Variants in DYRK1B observed in about 807,000 individuals in gnomAD.
DYRK1B encodes the protein dual specificity tyrosine phosphorylation regulated kinase 1B.
Under a neutral mutation model 57.1 loss-of-function variants are expected in DYRK1B, and 20 were observed. The observed-to-expected ratio is 0.35, with a 90% CI of 0.25 to 0.51. DYRK1B has a LOEUF of 0.51. Among genes scored for constraint, DYRK1B ranks in the 20% least tolerant of loss-of-function variants. The pLI, the probability that DYRK1B is intolerant of heterozygous loss-of-function variation, is 0.96. For missense variants in DYRK1B, 732 were observed against 886.3 expected, an observed-to-expected ratio of 0.83 and a Z score of 2.21; for synonymous variants, 409 against 384.7, an observed-to-expected ratio of 1.06 and a Z score of -0.74.
In DYRK1B at chr19:39,827,358, G is replaced by T; in HGVS notation, c.1022C>A (p.Pro341His). The change falls in exon 8 of 11, where the codon CCC becomes CAC. Residue 341 changes from proline to histidine, a missense_variant. Transcript: ENST00000323039. ...IPPAAMLDQA[P>H]KARKYFERLP... is the part of the protein sequence containing the mutation. ...CCGTTCAAAGTACTTGCGAGCCTTG[G>T]GCGCCTGGTCCAGCATGGCGGCCGG... 1 of 1,613,824 alleles carries T rather than the reference G, an allele frequency of 6.2e-7. No individual in the cohort carries two copies. The highest frequency in any genetic ancestry group is 8.5e-7 in the Non-Finnish European group (1 of 1,179,818).
intron 5 of DYRK1B, among the ~76,000 whole-genome samples, chr19:39,829,262 C>CT (rs1218794454): frequency 2.7e-5 from 4 of 148,540 alleles, no homozygotes; most frequent in African/African-American, 9.9e-5. Flanking sequence ...GAGTCTCGCT[C>CT]TGTCATCAGG....
In DYRK1B at chr19:39,826,398, G is replaced by A. The variant is rs1968541676; in HGVS notation, c.1412-112C>T. The A allele has an allele frequency of 2.1e-6, 2 of 948,538 alleles. No individual in the cohort carries two copies. Among genetic ancestry groups the A allele is most frequent in the South Asian group, 3.6e-5 (2 of 55,866 alleles). 58.8% of individuals were successfully genotyped at this position (948,538 alleles called of 1,614,324 possible). ...GCCCAGGCTCAGGTTCAGGCTTCAA[G>A]AGCAGAGCCCATCTGAAGCACCGGG... On this transcript the variant is annotated intron_variant, in intron 9 of 10. Transcript: ENST00000323039. This position sits in a 1 kb window ranked among gnomAD's most constrained non-coding sequence, Gnocchi z 6.3.
intron 1 of DYRK1B, 122 bp from the exon 2 acceptor site, chr19:39,832,090 G>A (rs981159517): frequency 2.7e-5 from 30 of 1,129,710 alleles, no homozygotes; most frequent in Non-Finnish European, 3.2e-5. Context: ...GGGCACAACG[G>A]AGCAGCAGAT....
Position 39,829,999 on chromosome 19 carries a change from T to C in DYRK1B, c.401A>G (p.Gln134Arg), listed in dbSNP as rs1968731626. 6.2e-7 allele frequency: 1 copy of C among 1,614,084 alleles called. No homozygotes were observed. The highest frequency in any genetic ancestry group is 1.3e-5 in the African/African-American group (1 of 75,004). Residue 134 changes from glutamine (Q) to arginine (R), a missense_variant, in exon 5 of 11, where the codon CAG becomes CGG. Physicochemically the swap from Gln to Arg is conservative, Grantham distance 43. Transcript: ENST00000323039. ...QVVKAYDHQTQELVAIKIIKN... is the reference protein window; with the variant it reads ...QVVKAYDHQTRELVAIKIIKN... The stretch of plus-strand genomic sequence containing the variant: ...GATGATCTTGATGGCCACAAGCTCC[T>C]GGGTCTGATGATCATAGGCTTTCAC...
In DYRK1B at chr19:39,830,744, G is replaced by C; in HGVS notation, c.103C>G (p.Leu35Val). 3.7e-6 allele frequency: 6 copies of C among 1,614,036 alleles called. No individual in the cohort carries two copies. Among genetic ancestry groups the C allele is most frequent in the Non-Finnish European group, 5.1e-6 (6 of 1,179,994 alleles). Residue 35 changes from leucine (L) to valine (V), a missense_variant, in exon 3 of 11, where the codon CTG becomes GTG. Transcript: ENST00000323039. ...GCTGAGGTTGCATCCCGGAAGGCCA[G>C]GGGCAGCCTCCGAGGCAGTAGCCGC... ...DVRLLPRRLPLAFRDATSAPL... is the reference protein window; with the variant it reads ...DVRLLPRRLPVAFRDATSAPL...
intron 1 of DYRK1B, chr19:39,833,158 T>C: frequency 1.0e-6 from 1 of 985,712 alleles, no homozygotes; most frequent in Non-Finnish European, 1.2e-6. Flanking sequence ...TCCTATTCCA[T>C]GCCTTGCCAC....
Position 39,830,537 on chromosome 19 carries a change from C to A in DYRK1B, c.210G>T (p.Arg70=), listed in dbSNP as rs369809566. The A allele has an allele frequency of 6.2e-7, 1 of 1,614,062 alleles. No individual in the cohort carries two copies. The highest frequency in any genetic ancestry group is 1.3e-5 in the African/African-American group (1 of 74,948). Residue 70 remains arginine (R), a synonymous_variant, in exon 4 of 11, where the codon CGG becomes CGT. Coordinates refer to ENST00000323039, the MANE Select transcript of DYRK1B (RefSeq NM_004714.3). ...AATCCTGGGGTGGCGCCTGCTGGGC[C>A]CGCCGCTTCTTCTTCGCATAGTATA... is the stretch of plus-strand genomic sequence containing the variant. ...NEVYYAKKKR[R]AQQAPPQDSS...
rs1599639309 is a variant in DYRK1B at position 39,827,336 on chromosome 19, T to A, written c.1044A>T (p.Glu348Asp). 1 of 1,613,760 alleles carries A rather than the reference T, an allele frequency of 6.2e-7. No individual in the cohort carries two copies. ...GGGTCCAGCCACCCCCAGGCAGCCG[T>A]TCAAAGTACTTGCGAGCCTTGGGCG... is the stretch of plus-strand genomic sequence containing the variant. ...DQAPKARKYF[E>D]RLPGGGWTLR... is the part of the protein sequence containing the mutation. Residue 348 changes from glutamate to aspartate, a missense_variant, in exon 8 of 11, where the codon GAA becomes GAT. Transcript: ENST00000323039.
rs1315990800 is a variant in DYRK1B, at chr19:39,826,707, G to A, written c.1376C>T (p.Pro459Leu). 1.9e-6 allele frequency: 3 copies of A among 1,606,362 alleles called. No homozygotes were observed. The highest frequency in any genetic ancestry group is 2.5e-6 in the Non-Finnish European group (3 of 1,177,434). The change falls in exon 9 of 11, where the codon CCC becomes CTC. Residue 459 changes from proline to leucine, a missense_variant. Around this residue, in one of 2 missense-constraint regions of DYRK1B, gnomAD observed 510 missense variants for 681.3 expected, o/e 0.75. Transcript: ENST00000323039. The surrounding 1 kb of genome is among the most constrained non-coding windows in gnomAD (Gnocchi z 6.3). ...GATGGAGCTGGCGGTGCTGGAAGAG[G>A]GGCAGGTGTCGAGGGGCGCGGGCGA... ...STSPAPLDTC[P>L]SSSTASSISS...
intron 1 of DYRK1B, chr19:39,833,624 T>G (rs1455463413): frequency 6.6e-6 from 1 of 152,316 alleles, no homozygotes; most frequent in Admixed American, 6.5e-5. Context: ...CTGGGCCTGC[T>G]GAGACCGGAA....
chr19:39,833,277 G>C (rs962133620), intron 1 of DYRK1B: 1 of 985,466 alleles, frequency 1.0e-6, no homozygotes, highest in Non-Finnish European at 1.2e-6. Flanking sequence ...CCGGGTCAGG[G>C]CTGGCGCGGG....
chr19:39,825,603 C>A lies in DYRK1B; in HGVS notation c.*112G>T, dbSNP rs377078864. On this transcript the variant is annotated 3_prime_UTR_variant, in exon 11 of 11. Transcript: ENST00000323039. Reference sequence around the variant, plus strand: ...CCCCAATCAGTGCAGGCCTCACCCACCCCAGCTGGGTAGCAGCAATTCCAG... The same window carrying A: ...CCCCAATCAGTGCAGGCCTCACCCAACCCAGCTGGGTAGCAGCAATTCCAG... 2.8e-5 allele frequency: 34 copies of A among 1,231,894 alleles called. No individual in the cohort carries two copies. Among genetic ancestry groups the A allele is most frequent in the Non-Finnish European group, 3.6e-5 (32 of 885,310 alleles). The allele number at this position is 1,231,894 out of a possible 1,614,324, so 76.3% of individuals were successfully genotyped here. A position where few individuals can be genotyped will look rare whatever the true frequency, so the allele number is the denominator to read the frequency against.
At chr19:39,830,299 T>C (rs1401590187) in intron 4 of DYRK1B, 76 bp downstream of exon 4, 4 of 1,579,272 alleles carry the variant, frequency 2.5e-6, no homozygotes, top group Non-Finnish European at 3.5e-6. Context: ...GCATGGGACT[T>C]GAAGCCACTG....
Position 39,832,877 on chromosome 19 carries a change from C to A in DYRK1B, c.-101-909G>T, listed in dbSNP as rs1172488620. Reference sequence around the variant, plus strand: ...CTGATGGGAGAAGGAGGAGGTGTCTCTTCCCACAGTTTAGAGTGATCATCC... The same window carrying A: ...CTGATGGGAGAAGGAGGAGGTGTCTATTCCCACAGTTTAGAGTGATCATCC... On this transcript the variant is annotated intron_variant, in intron 1 of 10. Coordinates refer to ENST00000323039, the MANE Select transcript of DYRK1B (RefSeq NM_004714.3). 3 of 982,084 alleles carry A rather than the reference C, an allele frequency of 3.1e-6. No homozygotes were observed. The African/African-American group carries it at 5.3e-5, about 17-fold the overall frequency. The allele number at this position is 982,084 out of a possible 1,614,324, so 60.8% of individuals were successfully genotyped here.
In DYRK1B at chr19:39,827,578, T is replaced by C. The variant is rs1968601254; in HGVS notation, c.886A>G (p.Met296Val). Reference sequence around the variant, plus strand: ...ACAAGGATGCAGCCCAGGGACCACATGTCAATGGCCAGGTCGTAGGGTGTG... The same window carrying C: ...ACAAGGATGCAGCCCAGGGACCACACGTCAATGGCCAGGTCGTAGGGTGTG... ...LGTPYDLAID[M>V]WSLGCILVEM... The change falls in exon 7 of 11, where the codon ATG (methionine) becomes GTG (valine). Residue 296 changes from methionine (M) to valine (V), a missense_variant. Physicochemically the swap from Met to Val is conservative, Grantham distance 21. This residue lies in a region of DYRK1B where 510 missense variants were observed against 681.3 expected (regional missense o/e 0.75). Coordinates refer to ENST00000323039, the MANE Select transcript of DYRK1B (RefSeq NM_004714.3). The C allele has an allele frequency of 1.2e-6, 2 of 1,614,104 alleles. No individual in the cohort carries two copies. Among genetic ancestry groups the C allele is most frequent in the Non-Finnish European group, 1.7e-6 (2 of 1,179,976 alleles).
chr19:39,828,611 G>T lies in DYRK1B; in HGVS notation c.521-28C>A. 1 of 1,590,952 alleles carries T rather than the reference G, an allele frequency of 6.3e-7. No homozygotes were observed. Among genetic ancestry groups the T allele is most frequent in the South Asian group, 1.1e-5 (1 of 88,514 alleles). The stretch of plus-strand genomic sequence containing the variant: ...GCGGGGGAGGGGAGGAAATGGGCCA[G>T]AGAAGAAACGGCTCAGAGAGGGCAG... On this transcript the variant is annotated intron_variant, in intron 5 of 10. Coordinates refer to ENST00000323039, the MANE Select transcript of DYRK1B (RefSeq NM_004714.3). This position sits in a 1 kb window ranked among gnomAD's most constrained non-coding sequence, Gnocchi z 4.3.
At chr19:39,833,425 G>C in intron 1 of DYRK1B, 1 of 902,236 alleles carries the variant, frequency 1.1e-6, no homozygotes, top group South Asian at 5.1e-5. Context: ...AAGCGGGACA[G>C]GAGGCCCGGT....
rs1968479098 is a variant in DYRK1B at position 39,825,420 on chromosome 19, C to T, written c.*295G>A. 2 of 388,720 alleles carry T rather than the reference C, an allele frequency of 5.1e-6. No homozygotes were observed. The highest frequency in any genetic ancestry group is 9.7e-5 in the East Asian group (2 of 20,516). The allele number at this position is 388,720 out of a possible 1,614,324, so 24.1% of individuals were successfully genotyped here. Reference sequence around the variant, plus strand: ...CATCTCCCCCTACCTGCCCCCACCCCCTCCTAGGGTCCTGGGGTGAGGGGG... The same window carrying T: ...CATCTCCCCCTACCTGCCCCCACCCTCTCCTAGGGTCCTGGGGTGAGGGGG... On this transcript the variant is annotated 3_prime_UTR_variant, in exon 11 of 11. Transcript: ENST00000323039.
intron 2 of DYRK1B, 117 bp downstream of exon 2, chr19:39,831,688 C>G (rs148562022): frequency 7.8e-7 from 1 of 1,289,766 alleles, no homozygotes; most frequent in African/African-American, 1.5e-5. Context: ...TCCCATGGGA[C>G]CCATTATGTG....
Sources: gnomAD v4.1 joint callset for allele counts (sites outside exome capture counted in the v4.1 genomes callset) on GRCh38, gnomAD v4.1.1 for gene constraint, gnomAD v4.1.1 regional missense constraint, Gnocchi (gnomAD v3.1) non-coding constraint, MANE v1.5 for transcripts, NCBI Gene and HGNC (gene_info 2026-07-23, HGNC 2026-07-21) for gene names.